The following SPATA24 variants were observed in gnomAD, a reference collection of about 807,000 sequenced individuals.
SPATA24 encodes spermatogenesis associated 24.
SPATA24 carries 21 observed loss-of-function variants against 28.9 expected under a neutral mutation model. The observed-to-expected ratio is 0.73, with a 90% CI of 0.52 to 1.05. The LOEUF is 1.05. Ranked by LOEUF, SPATA24 falls within the 50% of genes least tolerant of loss-of-function variation. The pLI is 0.00. For synonymous variants in SPATA24, 76 were observed against 89.9 expected (o/e 0.85, Z 0.88); for missense variants, 215 against 242.9 (o/e 0.88, Z 0.76).
intron 3 of SPATA24, 35 bp from the exon 4 acceptor site, chr5:139,401,860 G>A (rs1453826185): frequency 1.2e-5 from 18 of 1,547,538 alleles, no homozygotes; most frequent in Non-Finnish European, 1.2e-5. Context: ...GGGTGGGCAG[G>A]CTAGCAAGCA....
At chr5:139,397,311 G>T (rs1758732391) in intron 4 of SPATA24, among the ~76,000 whole-genome samples, 168 bp from the exon 5 acceptor site, 13 of 152,162 alleles carry the variant, frequency 8.5e-5, no homozygotes, top group Admixed American at 8.5e-4. Flanking sequence ...CAGTCTTGGG[G>T]GAGTGCAGTG....
At position 139,400,846 on chromosome 5, in the gene SPATA24, TCAGAAAAG is replaced by T. The variant is rs563283983; in HGVS notation, c.385+901_385+908del. Reference sequence around the variant, plus strand: ...AAAATCAACTGCCAACACTAAAAAGTCAGAAAAGCTTCCATTAAAACTTGGTTTTGGCT... The same window carrying T: ...AAAATCAACTGCCAACACTAAAAAGTCTTCCATTAAAACTTGGTTTTGGCT... On this transcript the variant is annotated intron_variant, in intron 4 of 5. Coordinates refer to ENST00000450845, the MANE Select transcript of SPATA24 (RefSeq NM_194296.2). Among the ~76,000 whole-genome samples, 23 of 152,248 alleles carry T rather than the reference TCAGAAAAG, an allele frequency of 1.5e-4. No homozygotes were observed. In the East Asian group the frequency reaches 4.4e-3, roughly 29 times the overall value.
At chr5:139,393,008 G>A (rs1461827026), downstream of SPATA24, 1 of 1,520,788 alleles carries the variant, frequency 6.6e-7, no homozygotes. Flanking sequence ...TAGGGGTGCG[G>A]CACCACCGGT....
intron 4 of SPATA24, 97 bp from the exon 5 acceptor site, chr5:139,397,240 C>G (rs1758730998): frequency 4.5e-6 from 4 of 887,462 alleles, no homozygotes; most frequent in Admixed American, 2.3e-5. Flanking sequence ...GAGCTTGGCT[C>G]CCCACCCAAG....
At chr5:139,399,637 T>C (rs1758783583) in intron 4 of SPATA24, among the ~76,000 whole-genome samples, 1 of 152,216 alleles carries the variant, frequency 6.6e-6, no homozygotes, top group Non-Finnish European at 1.5e-5. Context: ...AGAGAATGGT[T>C]AGAAAATCCC....
At chr5:139,393,597 G>C (rs1465575813), downstream of SPATA24, 1 of 1,550,786 alleles carries the variant, frequency 6.4e-7, no homozygotes, top group Non-Finnish European at 8.7e-7. Context: ...GCGGGGACGG[G>C]CTGCTACGTG....
rs573494886 is a variant in SPATA24 at position 139,396,830 on chromosome 5, G to A, written c.588C>T (p.Ala196=). Residue 196 remains alanine, a synonymous_variant, in exon 6 of 6, where the codon GCC becomes GCT. Coordinates refer to ENST00000450845, the MANE Select transcript of SPATA24 (RefSeq NM_194296.2). ...TTTCCCTGGGATGCTGGTGGCTGCG[G>A]GCCTGACGTGTCCCTGAGGCTTTCT... ...KHKKASGTRQ[A]RSHQHPREK The A allele has an allele frequency of 1.7e-5, 27 of 1,551,726 alleles. No homozygotes were observed. Among genetic ancestry groups the A allele is most frequent in the East Asian group, 2.4e-5 (1 of 40,928 alleles).
At chr5:139,393,042 A>G, downstream of SPATA24, 2 of 1,526,806 alleles carry the variant, frequency 1.3e-6, no homozygotes, top group Non-Finnish European at 1.8e-6. Context: ...TGAAAACGGA[A>G]GTGTAGTGAG....
At chr5:139,394,686 T>G (rs895484047), downstream of SPATA24, 3 of 1,533,840 alleles carry the variant, frequency 2.0e-6, no homozygotes, top group African/African-American at 4.2e-5. Flanking sequence ...TGAACTGTTG[T>G]TGCGCCTCGC....
At chr5:139,398,517 G>A (rs1310052607) in intron 4 of SPATA24, among the ~76,000 whole-genome samples, 2 of 152,170 alleles carry the variant, frequency 1.3e-5, no homozygotes, top group Non-Finnish European at 2.9e-5. Context: ...GGGCTGCAAT[G>A]AGCTATGACT....
At chr5:139,399,013 G>A (rs1373567674) in intron 4 of SPATA24, among the ~76,000 whole-genome samples, 1 of 68,786 alleles carries the variant, frequency 1.5e-5, no homozygotes, top group Non-Finnish European at 2.4e-5. Context: ...GACAGAGCGA[G>A]ATTCCGCTTC....
chr5:139,394,740 G>A, downstream of SPATA24: 1 of 1,534,050 alleles, frequency 6.5e-7, no homozygotes, highest in Non-Finnish European at 8.7e-7. Context: ...CGACGCCGAA[G>A]ATGACTTCCA....
intron 4 of SPATA24, among the ~76,000 whole-genome samples, chr5:139,398,083 C>A (rs1758749414): frequency 6.6e-6 from 1 of 152,190 alleles, no homozygotes; most frequent in Admixed American, 6.5e-5. Context: ...GAAAAAAGAC[C>A]TAGTTCAGTC....
At chr5:139,401,445 CAGTT>C in intron 4 of SPATA24, 1 of 608,690 alleles carries the variant, frequency 1.6e-6, no homozygotes, top group South Asian at 2.0e-5. Flanking sequence ...CCTCTTGTAT[CAGTT>C]AGGAGTAACC....
Position 139,402,024 on chromosome 5 carries a change from T to C in SPATA24, c.205A>G (p.Lys69Glu). 1 of 1,551,468 alleles carries C rather than the reference T, an allele frequency of 6.4e-7. No individual in the cohort carries two copies. Among genetic ancestry groups the C allele is most frequent in the Non-Finnish European group, 8.7e-7 (1 of 1,146,952 alleles). Residue 69 changes from lysine to glutamate, a missense_variant, in exon 3 of 6, where the codon AAA (lysine) becomes GAA (glutamate). Coordinates refer to ENST00000450845, the MANE Select transcript of SPATA24 (RefSeq NM_194296.2). ...KLVEEKAAHA[K>E]TKVLLAKEEE... ...TCCTTGGCCAGGAGGACCTTGGTTT[T>C]GGCATGGGCAGCTTTCTCTTCCTGC...
chr5:139,402,512 G>A (rs1248993144), intron 2 of SPATA24, 116 bp downstream of exon 2: 2 of 933,642 alleles, frequency 2.1e-6, no homozygotes, highest in East Asian at 5.4e-5. Context: ...CAAAGAGCTG[G>A]GACTACAGTT....
At chr5:139,396,587 A>C (rs753003056), downstream of SPATA24, 56 of 1,387,886 alleles carry the variant, frequency 4.0e-5, no homozygotes, top group Non-Finnish European at 5.2e-5. Context: ...AGGGCTGTTT[A>C]TATAGGAAGG....
intron 4 of SPATA24, among the ~76,000 whole-genome samples, chr5:139,400,882 G>A (rs1049877953): frequency 6.6e-6 from 1 of 152,186 alleles, no homozygotes; most frequent in African/African-American, 2.4e-5. Context: ...TTTTGGCTGG[G>A]TGCGGTGGCT....
At chr5:139,400,831 G>T (rs536288091) in intron 4 of SPATA24, among the ~76,000 whole-genome samples, 2 of 152,214 alleles carry the variant, frequency 1.3e-5, no homozygotes, top group South Asian at 4.2e-4. Context: ...AAAATCAACT[G>T]CCAACACTAA....
Sources: allele counts gnomAD v4.1 joint callset (sites outside exome capture counted in the v4.1 genomes callset), GRCh38; gene constraint gnomAD v4.1.1; transcripts MANE v1.5; gene names NCBI Gene and HGNC (gene_info 2026-07-23, HGNC 2026-07-21).